RGS22: variants seen among roughly 807,000 people sequenced by gnomAD.
RGS22 encodes regulator of G-protein signaling 22.
RGS22 carries 148 observed loss-of-function variants against 172.9 expected under a neutral mutation model. The ratio of observed to expected loss-of-function variants is 0.86; its 90% confidence interval spans 0.75 to 0.98. The LOEUF (loss-of-function observed/expected upper bound fraction) is 0.98. RGS22 is among the 50% of genes least tolerant of loss of function. The probability of loss-of-function intolerance (pLI) is 0.00; values close to 1 mark genes in which losing one functional copy is unlikely to be tolerated. For missense variants in RGS22, 1,347 were observed against 1,440.8 expected (o/e 0.93, Z 1.05); for synonymous variants, 458 against 480.2 (o/e 0.95, Z 0.60).
chr8:100,095,293 C>T (rs974842237), intron 2 of RGS22, among the ~76,000 whole-genome samples: 1 of 152,170 alleles, frequency 6.6e-6, no homozygotes, highest in African/African-American at 2.4e-5. Flanking sequence ...AAGTGATTCT[C>T]GTGCCTCAGC....
chr8:100,054,753 CA>C (rs1262618833), intron 9 of RGS22, among the ~76,000 whole-genome samples: 1 of 147,938 alleles, frequency 6.8e-6, no homozygotes, highest in Admixed American at 6.7e-5. Context: ...TACTGTGTTT[CA>C]GAACCTTTAC....
chr8:100,025,374 C>T (rs1818069664), intron 14 of RGS22, among the ~76,000 whole-genome samples: 2 of 152,152 alleles, frequency 1.3e-5, no homozygotes, highest in South Asian at 4.1e-4. Flanking sequence ...CCAGAAACAA[C>T]CTAATTGTGA....
chr8:99,978,381 G>T (rs2131184657), intron 22 of RGS22, among the ~76,000 whole-genome samples: 1 of 152,106 alleles, frequency 6.6e-6, no homozygotes, highest in Non-Finnish European at 1.5e-5. Flanking sequence ...TTTAAAATAA[G>T]AAATTTATGT....
chr8:99,972,906 C>A (rs533306271), intron 23 of RGS22, among the ~76,000 whole-genome samples: 5 of 147,012 alleles, frequency 3.4e-5, no homozygotes, highest in African/African-American at 1.3e-4. Context: ...TGGTGGTGGG[C>A]GACTGTAGTC....
intron 21 of RGS22, among the ~76,000 whole-genome samples, chr8:99,984,467 G>A (rs1487710384): frequency 2.6e-5 from 4 of 151,636 alleles, no homozygotes; most frequent in Non-Finnish European, 5.9e-5. Context: ...CTGCCCTGTT[G>A]TGCCATTAGC....
At chr8:100,080,479 C>T in intron 3 of RGS22, 124 bp from the exon 4 acceptor site, 1 of 708,308 alleles carries the variant, frequency 1.4e-6, no homozygotes, top group South Asian at 2.0e-5. Flanking sequence ...GTAATCATTC[C>T]CTCTTCCTTT....
intron 14 of RGS22, among the ~76,000 whole-genome samples, chr8:100,015,289 T>TTTTATTTC (rs1816822603): frequency 6.6e-6 from 1 of 151,920 alleles, no homozygotes; most frequent in Non-Finnish European, 1.5e-5. Context: ...TTTTCTTTTC[T>TTTTATTTC]TTTCTTTCTT....
intron 24 of RGS22, among the ~76,000 whole-genome samples, chr8:99,964,618 G>A (rs975488363): frequency 6.6e-6 from 1 of 151,958 alleles, no homozygotes; most frequent in African/African-American, 2.4e-5. Flanking sequence ...TTATTTGCTA[G>A]GTATCATATG....
chr8:100,001,091 T>C (rs984375959), intron 18 of RGS22, among the ~76,000 whole-genome samples: 1 of 151,146 alleles, frequency 6.6e-6, no homozygotes, highest in Non-Finnish European at 1.5e-5. Context: ...ATTAACAAAC[T>C]TCAAGCTAAA....
chr8:100,103,491 A>C (rs1043100712), intron 2 of RGS22, among the ~76,000 whole-genome samples: 19 of 152,226 alleles, frequency 1.2e-4, no homozygotes, highest in African/African-American at 4.6e-4. Context: ...GAAAGACAGC[A>C]TAGTGTGGAG....
At chr8:100,033,310 A>G (rs1178336483) in intron 14 of RGS22, among the ~76,000 whole-genome samples, 1 of 152,168 alleles carries the variant, frequency 6.6e-6, no homozygotes, top group Non-Finnish European at 1.5e-5. Context: ...AATCAAACAG[A>G]TGCAATTAAA....
At chr8:100,029,772 G>A (rs955039396) in intron 14 of RGS22, among the ~76,000 whole-genome samples, 7 of 150,078 alleles carry the variant, frequency 4.7e-5, no homozygotes, top group African/African-American at 1.5e-4. Context: ...AAACCTGCAT[G>A]CTCTGCACAT....
At chr8:100,014,929 T>C (rs1354538973) in intron 14 of RGS22, among the ~76,000 whole-genome samples, 1 of 152,210 alleles carries the variant, frequency 6.6e-6, no homozygotes, top group Non-Finnish European at 1.5e-5. Context: ...CCATGGACCC[T>C]GTACTTTTAT....
chr8:99,963,421 G>C lies in RGS22; in HGVS notation c.3616-443C>G, dbSNP rs544436300. 2.0e-5 allele frequency among the ~76,000 whole-genome samples: 3 copies of C among 152,200 alleles called. No homozygotes were observed. The South Asian group carries it at 6.2e-4, about 32-fold the overall frequency. On this transcript the variant is annotated intron_variant, in intron 24 of 27. Transcript: ENST00000360863. ...TATTCAATTTGATTGTAAATTTAGT[G>C]CTTAGGAAAGATCTTTATATATTCA... is the stretch of plus-strand genomic sequence containing the variant.
intron 20 of RGS22, among the ~76,000 whole-genome samples, chr8:99,993,683 G>A (rs1356492665): frequency 6.6e-6 from 1 of 152,068 alleles, no homozygotes; most frequent in Non-Finnish European, 1.5e-5. Context: ...TTCTACCAGA[G>A]GTACAAAGAG....
At chr8:100,070,996 A>G (rs973757329) in intron 6 of RGS22, among the ~76,000 whole-genome samples, 17 of 141,298 alleles carry the variant, frequency 1.2e-4, no homozygotes, top group African/African-American at 2.4e-4. Context: ...TAAATGAGAA[A>G]TTCTGGCCAG....
intron 14 of RGS22, among the ~76,000 whole-genome samples, chr8:100,013,669 A>G (rs1475494500): frequency 2.6e-5 from 4 of 152,112 alleles, no homozygotes; most frequent in South Asian, 4.1e-4. Flanking sequence ...ACCACTTACC[A>G]TATTAGTAGA....
At chr8:100,085,614 G>GT (rs1229545041) in intron 3 of RGS22, among the ~76,000 whole-genome samples, 95 of 152,330 alleles carry the variant, frequency 6.2e-4, no homozygotes, top group Non-Finnish European at 1.9e-4. Context: ...GGGACTGGAT[G>GT]AAGGGATGGA....
At chr8:99,999,562 C>A (rs1294514961) in intron 18 of RGS22, 142 bp from the exon 19 acceptor site, 2 of 714,416 alleles carry the variant, frequency 2.8e-6, no homozygotes. Context: ...CATCTCCTGG[C>A]TATACTGAGC....
Sources: allele counts gnomAD v4.1 joint callset (sites outside exome capture counted in the v4.1 genomes callset), GRCh38; gene constraint gnomAD v4.1.1; transcripts MANE v1.5; gene names NCBI Gene and HGNC (gene_info 2026-07-23, HGNC 2026-07-21).